CCDC47: variants seen among roughly 807,000 people sequenced by gnomAD.
CCDC47 encodes coiled-coil domain containing 47, also known as PAT complex subunit CCDC47.
Under a neutral mutation model 60.5 loss-of-function variants are expected in CCDC47, and 41 were observed. The ratio of observed to expected loss-of-function variants is 0.68; its 90% CI spans 0.53 to 0.88. The LOEUF (loss-of-function observed/expected upper bound fraction) is 0.88, where lower values mean the gene tolerates loss of function less well. CCDC47 is among the 40% of genes least tolerant of loss of function. CCDC47 has a pLI of 0.00. For synonymous variants in CCDC47, 195 were observed against 190.7 expected, an observed-to-expected ratio of 1.02 and a Z score of -0.18; for missense variants, 513 against 580.9, an observed-to-expected ratio of 0.88 and a Z score of 1.20.
In CCDC47 at chr17:63,765,955, T is replaced by C; in HGVS notation, c.221A>G (p.Gln74Arg). 2 of 1,614,106 alleles carry C rather than the reference T, an allele frequency of 1.2e-6. No homozygotes were observed. The highest frequency in any genetic ancestry group is 8.5e-7 in the Non-Finnish European group (1 of 1,179,994). Reference protein sequence around the residue: ...EDETTVELEGQDENQEGDFED... With the variant: ...EDETTVELEGRDENQEGDFED... The stretch of plus-strand genomic sequence containing the variant: ...AAAATCTCCTTCTTGGTTTTCATCC[T>C]GCCCTTCCAACTCCACAGTGGTCTC... Residue 74 changes from glutamine to arginine, a missense_variant, in exon 2 of 13, where the codon CAG (glutamine) becomes CGG (arginine). Gln to Arg is a conservative substitution (Grantham distance 43). Coordinates refer to ENST00000225726, the MANE Select transcript of CCDC47 (RefSeq NM_020198.3).
At chr17:63,757,805 T>C (rs2039219073) in intron 6 of CCDC47, among the ~76,000 whole-genome samples, 1 of 152,192 alleles carries the variant, frequency 6.6e-6, no homozygotes, top group Non-Finnish European at 1.5e-5. Context: ...AGAGTATCTT[T>C]TGTTACTTAT....
At chr17:63,759,366 G>A (rs1166782145) in intron 6 of CCDC47, among the ~76,000 whole-genome samples, 3 of 148,720 alleles carry the variant, frequency 2.0e-5, no homozygotes, top group Non-Finnish European at 4.5e-5. Flanking sequence ...GCAGGCGCCT[G>A]TAATCTCAAC....
intron 1 of CCDC47, among the ~76,000 whole-genome samples, chr17:63,770,951 G>A (rs1404457807): frequency 7.3e-6 from 1 of 137,880 alleles, no homozygotes; most frequent in Non-Finnish European, 1.5e-5. Flanking sequence ...TCATGCCACT[G>A]CACTCCAGCC....
At chr17:63,771,045 G>GAAGAAAGAAAGA (rs58944348) in intron 1 of CCDC47, among the ~76,000 whole-genome samples, 1,440 of 97,024 alleles carry the variant, frequency 0.015, 64 homozygotes, top group Middle Eastern at 0.044. Flanking sequence ...AGGAAGGAAG[G>GAAGAAAGAAAGA]AAGAAAGAAA....
chr17:63,766,262 T>G lies in CCDC47; in HGVS notation c.-19-68A>C. 2.2e-6 allele frequency: 3 copies of G among 1,369,936 alleles called. No individual in the cohort carries two copies. The South Asian group carries it at 4.4e-5, about 20-fold the overall frequency. The allele number at this position is 1,369,936 out of a possible 1,614,324, so 84.9% of individuals were successfully genotyped here. The stretch of plus-strand genomic sequence containing the variant: ...CATACTGATCAGATTTTATAAACAG[T>G]AAAAATCTATAAACCTCTCCTGCTT... On this transcript the variant is annotated intron_variant, in intron 1 of 12. Transcript: ENST00000225726.
intron 1 of CCDC47, 54 bp from the exon 2 acceptor site, chr17:63,766,248 G>T: frequency 6.7e-7 from 1 of 1,486,756 alleles, no homozygotes; most frequent in Non-Finnish European, 9.0e-7. Flanking sequence ...ATACTGATCA[G>T]ATTTTATAAA....
At chr17:63,770,515 T>C (rs1360046952) in intron 1 of CCDC47, among the ~76,000 whole-genome samples, 1 of 152,140 alleles carries the variant, frequency 6.6e-6, no homozygotes, top group African/African-American at 2.4e-5. Flanking sequence ...TGCAAGCAAT[T>C]GAGTATTAAC....
chr17:63,747,623 C>G (rs2039130604), intron 12 of CCDC47: 1 of 985,198 alleles, frequency 1.0e-6, no homozygotes, highest in Non-Finnish European at 1.2e-6. Context: ...CTGTTGGCCA[C>G]TAGTGGTCAC....
chr17:63,760,339 T>C (rs2039249020), intron 6 of CCDC47, among the ~76,000 whole-genome samples: 1 of 152,192 alleles, frequency 6.6e-6, no homozygotes, highest in Admixed American at 6.5e-5. Context: ...TTGCCCTCTA[T>C]TGTCAAGGCT....
At position 63,754,569 on chromosome 17, in the gene CCDC47, C is replaced by CT. The variant is rs552853082; in HGVS notation, c.949-52dup. On this transcript the variant is annotated intron_variant, in intron 8 of 12. Transcript: ENST00000225726. Reference sequence around the variant, plus strand: ...TAAAAGCAAGGTTTAATGCATTTCCCTTTTTTTCCTAAAGATATTCACTCT... The same window carrying CT: ...TAAAAGCAAGGTTTAATGCATTTCCCTTTTTTTTCCTAAAGATATTCACTCT... 9 of 1,186,480 alleles carry CT rather than the reference C, an allele frequency of 7.6e-6. No individual in the cohort carries two copies. In the African/African-American group the frequency reaches 7.7e-5, roughly 10 times the overall value. 73.5% of individuals were successfully genotyped at this position (1,186,480 alleles called of 1,614,324 possible).
chr17:63,759,995 C>T (rs2039245028), intron 6 of CCDC47, among the ~76,000 whole-genome samples: 1 of 135,912 alleles, frequency 7.4e-6, no homozygotes, highest in South Asian at 2.2e-4. Flanking sequence ...ATCCAGGAGG[C>T]AGAGATTGCA....
In CCDC47 at chr17:63,746,148, T is replaced by C. The variant is rs952176623; in HGVS notation, c.*733A>G. On this transcript the variant is annotated 3_prime_UTR_variant, in exon 13 of 13. Transcript: ENST00000225726. ...CATTTGTTACTCAAGAAAATAAACA[T>C]ACAACCACTTAAAATACAGCATTCA... The C allele has an allele frequency of 2.0e-5, 3 of 152,210 alleles. No individual in the cohort carries two copies. The highest frequency in any genetic ancestry group is 4.4e-5 in the Non-Finnish European group (3 of 68,028). 9.4% of individuals were successfully genotyped at this position (152,210 alleles called of 1,614,324 possible). A position where few individuals can be genotyped will look rare whatever the true frequency, so the allele number is the denominator to read the frequency against.
In CCDC47 at chr17:63,760,436, A is replaced by C. The variant is rs140081732; in HGVS notation, c.735+478T>G. Among the ~76,000 whole-genome samples the C allele has an allele frequency of 3.3e-5, 5 of 152,350 alleles. No individual in the cohort carries two copies. The East Asian group carries it at 9.6e-4, about 29-fold the overall frequency. ...GCCCCCTGACAGTTGCACAGAGTGG[A>C]AGATGATGCTCTGTCCAAGGAGAAA... On this transcript the variant is annotated intron_variant, in intron 6 of 12. Transcript: ENST00000225726.
chr17:63,760,999 T>C lies in CCDC47; in HGVS notation c.670-20A>G, dbSNP rs988062018. ...GAGGAACTGAAAAAAATGAGAGAAG[T>C]AAGTAAATCCAACTGCAACTCCTAC... On this transcript the variant is annotated intron_variant, in intron 5 of 12. Transcript: ENST00000225726. 2 of 1,602,890 alleles carry C rather than the reference T, an allele frequency of 1.2e-6. No individual in the cohort carries two copies. The highest frequency in any genetic ancestry group is 3.4e-5 in the Admixed American group (2 of 59,590).
chr17:63,769,442 C>T (rs1224571146), intron 1 of CCDC47, among the ~76,000 whole-genome samples: 10 of 151,344 alleles, frequency 6.6e-5, no homozygotes, highest in African/African-American at 1.9e-4. Flanking sequence ...GGTGAAACCT[C>T]GTCTCTGCTA....
Position 63,756,324 on chromosome 17 carries a change from C to G in CCDC47, c.864G>C (p.Lys288Asn). The change falls in exon 8 of 13, where the codon AAG becomes AAC. Residue 288 changes from lysine to asparagine, a missense_variant. Coordinates refer to ENST00000225726, the MANE Select transcript of CCDC47 (RefSeq NM_020198.3). ...DLSEFCSDKPKSGAKYGLPDS... is the reference protein window; with the variant it reads ...DLSEFCSDKPNSGAKYGLPDS... ...CCGGCAGTCCATACTTTGCTCCAGA[C>G]TTAGGTTTATCACTACAAAACTCAC... 6.2e-7 allele frequency: 1 copy of G among 1,614,070 alleles called. No individual in the cohort carries two copies. The highest frequency in any genetic ancestry group is 8.5e-7 in the Non-Finnish European group (1 of 1,179,948).
intron 12 of CCDC47, among the ~76,000 whole-genome samples, chr17:63,751,043 T>G (rs2039159950): frequency 5.8e-5 from 1 of 17,224 alleles, no homozygotes; most frequent in Non-Finnish European, 1.0e-4. Flanking sequence ...CACAGCTAAT[T>G]TTTTTTTTTT....
chr17:63,757,998 T>G (rs2144483382), intron 6 of CCDC47, among the ~76,000 whole-genome samples: 1 of 152,244 alleles, frequency 6.6e-6, no homozygotes, highest in South Asian at 2.1e-4. Context: ...CAAAAACTCT[T>G]GAACAAGATT....
chr17:63,761,271 A>G lies in CCDC47; in HGVS notation c.628T>C (p.Ser210Pro). 1 of 1,614,138 alleles carries G rather than the reference A, an allele frequency of 6.2e-7. No homozygotes were observed. The highest frequency in any genetic ancestry group is 1.7e-5 in the Admixed American group (1 of 60,006). ...ATGCCCTCACAGCACACTCGACCAG[A>G]ACACCACAGGTTATAGATGTGCTCA... ...ENEHIYNLWC[S>P]GRVCCEGMLI... The change falls in exon 5 of 13, where the codon TCT becomes CCT. Residue 210 changes from serine (S) to proline (P), a missense_variant. Transcript: ENST00000225726.
Sources: gnomAD v4.1 joint callset for allele counts (sites outside exome capture counted in the v4.1 genomes callset) on GRCh38, gnomAD v4.1.1 for gene constraint, MANE v1.5 for transcripts, NCBI Gene and HGNC (gene_info 2026-07-23, HGNC 2026-07-21) for gene names.